Variants in PLXDC2 observed in about 807,000 individuals in gnomAD.
PLXDC2 encodes the protein plexin domain containing 2, also known as plexin domain-containing protein 2.
A neutral mutation model predicts 68.9 loss-of-function variants in PLXDC2; 40 were observed. The ratio of observed to expected loss-of-function variants is 0.58; its 90% CI spans 0.45 to 0.76. PLXDC2 has a LOEUF of 0.76. PLXDC2 is among the 30% of genes least tolerant of loss of function. PLXDC2 has a pLI of 0.00. For missense variants in PLXDC2, 644 were observed against 661.9 expected, an observed-to-expected ratio of 0.97 and a Z score of 0.30; for synonymous variants, 243 against 234.2, an observed-to-expected ratio of 1.04 and a Z score of -0.34.
chr10:20,278,094 G>C (rs188650308), intron 13 of PLXDC2, among the ~76,000 whole-genome samples: 19 of 152,208 alleles, frequency 1.2e-4, no homozygotes, highest in African/African-American at 4.1e-4. Context: ...TTCATCTGTT[G>C]ATGGACACTT....
At chr10:20,023,171 G>A (rs563389503) in intron 2 of PLXDC2, among the ~76,000 whole-genome samples, 134 of 149,474 alleles carry the variant, frequency 9.0e-4, no homozygotes, top group Non-Finnish European at 1.5e-3. Flanking sequence ...TCTACAATCC[G>A]TATTGTTTCA....
chr10:19,835,354 GA>G (rs1419368497), intron 1 of PLXDC2, among the ~76,000 whole-genome samples: 5 of 152,200 alleles, frequency 3.3e-5, no homozygotes, highest in Non-Finnish European at 7.3e-5. Flanking sequence ...GATCAATAAA[GA>G]TGGAATGTGA....
At chr10:19,857,212 C>T (rs1378110178) in intron 1 of PLXDC2, among the ~76,000 whole-genome samples, 3 of 152,170 alleles carry the variant, frequency 2.0e-5, no homozygotes, top group Admixed American at 6.6e-5. Context: ...AATAGGAAGT[C>T]ATTTTATTAT....
At chr10:20,112,789 T>C (rs1833575790) in intron 4 of PLXDC2, among the ~76,000 whole-genome samples, 1 of 152,264 alleles carries the variant, frequency 6.6e-6, no homozygotes. Context: ...GGAATATATG[T>C]GCTGTAGCTC....
Position 20,217,544 on chromosome 10 carries a change from C to T in PLXDC2, c.1241C>T (p.Thr414Ile), listed in dbSNP as rs1835155482. The part of the protein sequence containing the change: ...RVLTTTRRAV[T>I]SQFPTSLPTE... ...CTAACTACCACCAGAAGAGCAGTGACTTCTCAGTTTCCCACCAGCCTCCCT... is the reference window on the plus strand; with the variant it reads ...CTAACTACCACCAGAAGAGCAGTGATTTCTCAGTTTCCCACCAGCCTCCCT... The change falls in exon 11 of 14, where the codon ACT becomes ATT. Residue 414 changes from threonine (T) to isoleucine (I), a missense_variant. Coordinates refer to ENST00000377252, the MANE Select transcript of PLXDC2 (RefSeq NM_032812.9). The T allele has an allele frequency of 1.9e-6, 3 of 1,587,748 alleles. No individual in the cohort carries two copies. In the East Asian group the frequency reaches 7.0e-5, roughly 37 times the overall value.
chr10:19,930,336 G>T (rs1490970125), intron 1 of PLXDC2, among the ~76,000 whole-genome samples: 6 of 152,070 alleles, frequency 3.9e-5, no homozygotes, highest in African/African-American at 1.4e-4. Flanking sequence ...AGAAACAGCC[G>T]GGTTGGTTTT....
At chr10:19,995,258 A>G (rs1834824265) in intron 1 of PLXDC2, among the ~76,000 whole-genome samples, 1 of 152,190 alleles carries the variant, frequency 6.6e-6, no homozygotes, top group Admixed American at 6.5e-5. Context: ...TATTACAGCA[A>G]AAGGAGACAA....
chr10:19,827,451 T>C (rs1264706847), intron 1 of PLXDC2, among the ~76,000 whole-genome samples: 2 of 152,244 alleles, frequency 1.3e-5, no homozygotes, highest in African/African-American at 2.4e-5. Flanking sequence ...CTGGGTCATT[T>C]TGTAAATAAT....
chr10:20,024,430 G>C (rs1189010080), intron 2 of PLXDC2, among the ~76,000 whole-genome samples: 1 of 152,130 alleles, frequency 6.6e-6, no homozygotes, highest in African/African-American at 2.4e-5. Flanking sequence ...TGATTCCAAG[G>C]AATATTTATT....
chr10:20,249,887 T>C (rs977012165), intron 13 of PLXDC2, among the ~76,000 whole-genome samples: 1 of 152,160 alleles, frequency 6.6e-6, no homozygotes, highest in African/African-American at 2.4e-5. Flanking sequence ...ATGGATATCT[T>C]GAGTATTTCA....
chr10:20,117,002 T>G (rs1833631272), intron 4 of PLXDC2, among the ~76,000 whole-genome samples: 1 of 151,824 alleles, frequency 6.6e-6, no homozygotes, highest in Non-Finnish European at 1.5e-5. Flanking sequence ...AAAAAATATA[T>G]TCTCATTTTC....
chr10:20,103,631 CTTTTCTTTTTTT>C (rs1833451434), intron 4 of PLXDC2, among the ~76,000 whole-genome samples: 2 of 139,872 alleles, frequency 1.4e-5, no homozygotes, highest in Admixed American at 7.1e-5. Context: ...GAAGACACAT[CTTTTCTTTTTTT>C]TTTTCTTTTT....
chr10:20,200,870 A>G (rs1426533597), intron 9 of PLXDC2, among the ~76,000 whole-genome samples: 1 of 152,096 alleles, frequency 6.6e-6, no homozygotes, highest in Non-Finnish European at 1.5e-5. Context: ...AAAAAGATAA[A>G]AAGTAACAAA....
At chr10:20,183,949 T>G (rs2358870) in intron 9 of PLXDC2, among the ~76,000 whole-genome samples, 57,083 of 151,780 alleles carry the variant, frequency 0.38, 11,503 homozygotes, top group East Asian at 0.5. Context: ...CATATTTTCT[T>G]TGATCCAATC....
chr10:20,219,185 G>A (rs1835179300), intron 12 of PLXDC2, 83 bp downstream of exon 12: 5 of 1,387,818 alleles, frequency 3.6e-6, no homozygotes, highest in Non-Finnish European at 4.9e-6. Context: ...AGGCAATACG[G>A]GCTTCTAGAT....
chr10:19,895,251 C>T (rs897789891), intron 1 of PLXDC2, among the ~76,000 whole-genome samples: 6 of 152,068 alleles, frequency 3.9e-5, no homozygotes, highest in Non-Finnish European at 8.8e-5. Context: ...AGGGGACAAA[C>T]CAGCCCAGCA....
chr10:19,831,573 C>T (rs1419293282), intron 1 of PLXDC2, among the ~76,000 whole-genome samples: 1 of 152,024 alleles, frequency 6.6e-6, no homozygotes, highest in Non-Finnish European at 1.5e-5. Flanking sequence ...TTTTCTGCTC[C>T]TCTCACTCCT....
intron 4 of PLXDC2, among the ~76,000 whole-genome samples, chr10:20,082,072 A>AAAAC (rs1564308571): frequency 6.7e-6 from 1 of 149,262 alleles, no homozygotes; most frequent in African/African-American, 2.5e-5. Context: ...ATCAAAAAAA[A>AAAAC]AAAACAGGAG....
intron 7 of PLXDC2, among the ~76,000 whole-genome samples, chr10:20,176,317 T>A (rs972894947): frequency 2.0e-5 from 3 of 151,960 alleles, no homozygotes; most frequent in Non-Finnish European, 4.4e-5. Flanking sequence ...AGGGTGATGA[T>A]TTGATATATT....
Sources: gnomAD v4.1 joint callset for allele counts (sites outside exome capture counted in the v4.1 genomes callset) on GRCh38, gnomAD v4.1.1 for gene constraint, MANE v1.5 for transcripts, NCBI Gene and HGNC (gene_info 2026-07-23, HGNC 2026-07-21) for gene names.